The following KIF6 variants were observed in gnomAD, a reference collection of about 807,000 sequenced individuals.
KIF6 encodes kinesin-like protein KIF6.
Under a neutral mutation model 112.7 loss-of-function variants are expected in KIF6, and 106 were observed. The observed-to-expected ratio is 0.94, with a 90% CI of 0.80 to 1.11. The LOEUF (loss-of-function observed/expected upper bound fraction) is 1.11, where lower values mean the gene tolerates loss of function less well. Ranked by LOEUF, KIF6 falls within the 50% of genes least tolerant of loss-of-function variation. The pLI is 0.00. For missense variants in KIF6, 929 were observed against 964.0 expected (o/e 0.96, Z 0.48); for synonymous variants, 339 against 339.9 (o/e 1.00, Z 0.03).
Position 39,536,966 on chromosome 6 carries a change from A to G in KIF6, c.1645+3037T>C, listed in dbSNP as rs551692126. Among the ~76,000 whole-genome samples, 16 of 152,280 alleles carry G rather than the reference A, an allele frequency of 1.1e-4. 1 individual carries two copies. Among genetic ancestry groups the G allele is most frequent in the Admixed American group, 7.2e-4 (11 of 15,304 alleles). ...ATAAACAGAACCAAAGACAAAAACC[A>G]CATGATTATCTCAATAGATGCAGAA... On this transcript the variant is annotated intron_variant, in intron 13 of 22. Transcript: ENST00000287152.
intron 15 of KIF6, among the ~76,000 whole-genome samples, chr6:39,413,492 T>G (rs1769645228): frequency 6.6e-6 from 1 of 152,186 alleles, no homozygotes; most frequent in Non-Finnish European, 1.5e-5. Context: ...TCAGAGTGTT[T>G]TATTCCCCTG....
chr6:39,601,064 A>G (rs186338871), intron 6 of KIF6, among the ~76,000 whole-genome samples: 1 of 152,272 alleles, frequency 6.6e-6, no homozygotes, highest in East Asian at 1.9e-4. Context: ...TGCCTCCTGT[A>G]TCCTTATCTC....
At chr6:39,426,246 T>C (rs75497779) in intron 14 of KIF6, among the ~76,000 whole-genome samples, 5,149 of 152,282 alleles carry the variant, frequency 0.034, 141 homozygotes, top group Non-Finnish European at 0.046. Flanking sequence ...TTGCAATTGT[T>C]CTCTGCTGAA....
At chr6:39,545,205 T>G (rs1265249188) in intron 11 of KIF6, among the ~76,000 whole-genome samples, 1 of 152,196 alleles carries the variant, frequency 6.6e-6, no homozygotes, top group Non-Finnish European at 1.5e-5. Context: ...CAGCCCCTTG[T>G]CATGAAAATT....
chr6:39,475,507 T>G (rs899031924), intron 13 of KIF6, among the ~76,000 whole-genome samples: 1 of 152,176 alleles, frequency 6.6e-6, no homozygotes, highest in African/African-American at 2.4e-5. Context: ...TCCCTGACAA[T>G]ATTTGTTAGG....
chr6:39,671,061 G>T (rs1338198315), intron 3 of KIF6, among the ~76,000 whole-genome samples: 4 of 152,168 alleles, frequency 2.6e-5, no homozygotes, highest in Non-Finnish European at 4.4e-5. Flanking sequence ...TATATCAATG[G>T]ATCAGACAGG....
chr6:39,508,913 C>A (rs1490926697), intron 13 of KIF6, among the ~76,000 whole-genome samples: 2 of 152,190 alleles, frequency 1.3e-5, no homozygotes, highest in African/African-American at 2.4e-5. Flanking sequence ...AACAAACAGA[C>A]TGCCTCCTCA....
chr6:39,679,951 A>G (rs1787413451), intron 3 of KIF6, among the ~76,000 whole-genome samples: 1 of 150,430 alleles, frequency 6.6e-6, no homozygotes, highest in Admixed American at 6.6e-5. Flanking sequence ...AAGCTGTTAT[A>G]ACCTAACAGT....
At chr6:39,481,796 C>T (rs937952519) in intron 13 of KIF6, among the ~76,000 whole-genome samples, 1 of 152,130 alleles carries the variant, frequency 6.6e-6, no homozygotes. Context: ...GAGCTATTTC[C>T]CATCTGTGGG....
At chr6:39,714,143 A>G (rs1463538064) in intron 3 of KIF6, among the ~76,000 whole-genome samples, 1 of 152,156 alleles carries the variant, frequency 6.6e-6, no homozygotes, top group Non-Finnish European at 1.5e-5. Context: ...ATTCTGATTT[A>G]TTTGGTACCC....
At chr6:39,613,444 A>G in intron 5 of KIF6, 126 bp from the exon 6 acceptor site, 1 of 528,000 alleles carries the variant, frequency 1.9e-6, no homozygotes, top group Non-Finnish European at 3.1e-6. Context: ...AATAACACAC[A>G]AGATACCAGA....
At chr6:39,349,770 G>A (rs530945397) in intron 19 of KIF6, among the ~76,000 whole-genome samples, 2 of 150,676 alleles carry the variant, frequency 1.3e-5, no homozygotes, top group South Asian at 4.2e-4. Context: ...CGCCTCCTGA[G>A]TAGCTGGGAC....
chr6:39,664,068 A>AAC (rs1324846765), intron 3 of KIF6, among the ~76,000 whole-genome samples: 2 of 152,156 alleles, frequency 1.3e-5, no homozygotes, highest in Non-Finnish European at 2.9e-5. Context: ...TCAAGTTTAA[A>AAC]ACAAAATAAA....
At chr6:39,703,451 A>G (rs1789000561) in intron 3 of KIF6, among the ~76,000 whole-genome samples, 1 of 152,214 alleles carries the variant, frequency 6.6e-6, no homozygotes, top group South Asian at 2.1e-4. Flanking sequence ...ATCAACCCAT[A>G]GGGTCATTAT....
intron 3 of KIF6, among the ~76,000 whole-genome samples, chr6:39,658,174 C>CAT (rs1414650226): frequency 6.6e-5 from 10 of 152,156 alleles, no homozygotes; most frequent in South Asian, 2.1e-4. Context: ...CTGGCATACT[C>CAT]ATATATACAC....
At chr6:39,634,741 AT>A in intron 5 of KIF6, 107 bp downstream of exon 5, 2 of 759,246 alleles carry the variant, frequency 2.6e-6, no homozygotes, top group Non-Finnish European at 4.7e-6. Flanking sequence ...GTTATCCAGT[AT>A]TTGCTAATTA....
intron 10 of KIF6, among the ~76,000 whole-genome samples, chr6:39,551,580 G>T (rs531500214): frequency 3.3e-5 from 5 of 152,096 alleles, no homozygotes; most frequent in Admixed American, 2.0e-4. Context: ...CACATTATAC[G>T]TTTGTATCAA....
chr6:39,557,615 TG>T (rs1438355781), intron 10 of KIF6, among the ~76,000 whole-genome samples: 1 of 152,130 alleles, frequency 6.6e-6, no homozygotes, highest in Non-Finnish European at 1.5e-5. Flanking sequence ...ATTGCAGTTT[TG>T]TTTTCCAGAA....
intron 13 of KIF6, among the ~76,000 whole-genome samples, chr6:39,491,230 A>G (rs754631932): frequency 6.6e-6 from 1 of 152,050 alleles, no homozygotes; most frequent in Non-Finnish European, 1.5e-5. Flanking sequence ...GTGTCTAAAT[A>G]AGCAATCTGG....
Sources: gnomAD v4.1 joint callset for allele counts (sites outside exome capture counted in the v4.1 genomes callset) on GRCh38, gnomAD v4.1.1 for gene constraint, MANE v1.5 for transcripts, NCBI Gene and HGNC (gene_info 2026-07-23, HGNC 2026-07-21) for gene names.